Variants in PARN observed in about 807,000 individuals in gnomAD.
PARN encodes the protein poly(A)-specific ribonuclease PARN.
A neutral mutation model predicts 102.8 loss-of-function variants in PARN; 71 were observed. The observed-to-expected ratio is 0.69, with a 90% confidence interval of 0.57 to 0.84. The LOEUF (loss-of-function observed/expected upper bound fraction) is 0.84. Among genes scored for constraint, PARN ranks in the 40% least tolerant of loss-of-function variants. The pLI is 0.00. For missense variants in PARN, 782 were observed against 760.9 expected, an observed-to-expected ratio of 1.03 and a Z score of -0.33; for synonymous variants, 261 against 252.9, an observed-to-expected ratio of 1.03 and a Z score of -0.30.
intron 5 of PARN, among the ~76,000 whole-genome samples, chr16:14,625,824 C>A (rs528408286): frequency 6.6e-6 from 1 of 152,170 alleles, no homozygotes; most frequent in African/African-American, 2.4e-5. Flanking sequence ...GATGGCAAGA[C>A]TCAAATGAAT....
intron 21 of PARN, among the ~76,000 whole-genome samples, chr16:14,484,799 T>TA (rs1313286740): frequency 2.0e-5 from 3 of 151,954 alleles, no homozygotes; most frequent in Non-Finnish European, 4.4e-5. Flanking sequence ...TTTAGTCATC[T>TA]AAAAAACAGA....
chr16:14,629,527 G>A (rs1567473683), intron 2 of PARN, 70 bp downstream of exon 2: 1 of 1,141,880 alleles, frequency 8.8e-7, no homozygotes, highest in Non-Finnish European at 1.3e-6. Context: ...AGAAGTTGGG[G>A]GCTGGGGGAT....
rs148670150 is a variant in PARN, at chr16:14,458,857, C to T, written c.1671-11776G>A. On this transcript the variant is annotated intron_variant, in intron 22 of 23. Transcript: ENST00000437198. ...GAGAAAGCGATCTCCGCAGGCTCAG[C>T]GGCACCAGGTACAATGGTGAAGAGT... 4.3e-3 allele frequency among the ~76,000 whole-genome samples: 656 copies of T among 152,212 alleles called. 6 individuals carry two copies. Among genetic ancestry groups the T allele is most frequent in the Non-Finnish European group, 4.1e-3 (282 of 68,000 alleles).
chr16:14,555,426 C>T (rs1967622129), intron 19 of PARN, among the ~76,000 whole-genome samples: 1 of 152,022 alleles, frequency 6.6e-6, no homozygotes, highest in Non-Finnish European at 1.5e-5. Flanking sequence ...AGAGAAGATA[C>T]ATGCTTCTAA....
intron 10 of PARN, 122 bp from the exon 11 acceptor site, chr16:14,604,348 C>A (rs1056310172): frequency 1.4e-5 from 9 of 634,490 alleles, no homozygotes; most frequent in Non-Finnish European, 2.5e-5. Context: ...GCAAACTCCG[C>A]CTCCTGGGTT....
chr16:14,614,686 T>C (rs1290254111), intron 6 of PARN, among the ~76,000 whole-genome samples: 1 of 151,080 alleles, frequency 6.6e-6, no homozygotes, highest in Non-Finnish European at 1.5e-5. Context: ...CTGTCTCTAC[T>C]AAAAATACAA....
intron 18 of PARN, 59 bp from the exon 19 acceptor site, chr16:14,555,768 G>T: frequency 1.2e-6 from 1 of 849,592 alleles, no homozygotes; most frequent in Non-Finnish European, 1.7e-6. Context: ...CAGGCATTTT[G>T]CATTTTTAAG....
chr16:14,448,952 T>TGGAA (rs1454773605), intron 22 of PARN, among the ~76,000 whole-genome samples: 2 of 152,236 alleles, frequency 1.3e-5, no homozygotes, highest in African/African-American at 2.4e-5. Context: ...TGAAGTTTCC[T>TGGAA]GTTTAAAAAC....
chr16:14,580,696 T>C (rs997886823), intron 18 of PARN, among the ~76,000 whole-genome samples, 178 bp downstream of exon 18: 2 of 152,036 alleles, frequency 1.3e-5, no homozygotes, highest in East Asian at 3.9e-4. Flanking sequence ...ATATTTTTAA[T>C]ACATTTGTTC....
chr16:14,533,206 C>A (rs1365948202), intron 21 of PARN, among the ~76,000 whole-genome samples: 1 of 152,136 alleles, frequency 6.6e-6, no homozygotes, highest in Non-Finnish European at 1.5e-5. Context: ...GAGCTGGAGA[C>A]CAGCCCGGCC....
chr16:14,485,581 A>C (rs910412459), intron 21 of PARN, among the ~76,000 whole-genome samples: 6 of 152,082 alleles, frequency 3.9e-5, no homozygotes, highest in African/African-American at 1.4e-4. Context: ...ATGAGAACCC[A>C]TTGGTTCTAC....
At chr16:14,554,244 G>A (rs960923952) in intron 19 of PARN, 93 bp from the exon 20 acceptor site, 2 of 807,764 alleles carry the variant, frequency 2.5e-6, no homozygotes, top group Non-Finnish European at 4.0e-6. Context: ...AGCTAATTTG[G>A]AGAACTGTTA....
At chr16:14,598,951 G>GCATC (rs1446679994) in intron 12 of PARN, among the ~76,000 whole-genome samples, 1 of 151,630 alleles carries the variant, frequency 6.6e-6, no homozygotes, top group Non-Finnish European at 1.5e-5. Context: ...AGGCAATTCA[G>GCATC]CATCCAAGCA....
intron 21 of PARN, among the ~76,000 whole-genome samples, chr16:14,500,231 T>C (rs561572645): frequency 6.6e-6 from 1 of 151,996 alleles, no homozygotes; most frequent in Non-Finnish European, 1.5e-5. Context: ...AATTTAAAAA[T>C]TTTTTTTGTA....
At chr16:14,458,980 G>A (rs574838548) in intron 22 of PARN, among the ~76,000 whole-genome samples, 1 of 152,274 alleles carries the variant, frequency 6.6e-6, no homozygotes, top group South Asian at 2.1e-4. Flanking sequence ...TGTACCCAGA[G>A]CACAGCAGTT....
intron 23 of PARN, among the ~76,000 whole-genome samples, chr16:14,438,442 G>GGGC (rs1555475656): frequency 1.7e-5 from 1 of 57,308 alleles, no homozygotes; most frequent in Non-Finnish European, 4.1e-5. Flanking sequence ...GCCATTAGTT[G>GGGC]GGGGGGGGGG....
Position 14,618,597 on chromosome 16 carries a change from G to A in PARN, c.328-947C>T, listed in dbSNP as rs570652627. Among the ~76,000 whole-genome samples, 8 of 150,574 alleles carry A rather than the reference G, an allele frequency of 5.3e-5. No individual in the cohort carries two copies. In the East Asian group the frequency reaches 1.2e-3, roughly 22 times the overall value. ...AATTTCTTGAGTTTGGGAGGTGGAGGTTGCAGTGAGCCGAGAGAGCCACTG... is the reference window on the plus strand; with the variant it reads ...AATTTCTTGAGTTTGGGAGGTGGAGATTGCAGTGAGCCGAGAGAGCCACTG... On this transcript the variant is annotated intron_variant, in intron 5 of 23. Transcript: ENST00000437198.
At chr16:14,541,965 G>T (rs538640203) in intron 21 of PARN, among the ~76,000 whole-genome samples, 13 of 152,120 alleles carry the variant, frequency 8.5e-5, no homozygotes, top group Admixed American at 5.2e-4. Flanking sequence ...CCAACAACAG[G>T]TATCAACAAC....
intron 23 of PARN, among the ~76,000 whole-genome samples, chr16:14,437,320 G>A (rs1195831201): frequency 6.6e-6 from 1 of 152,200 alleles, no homozygotes; most frequent in East Asian, 1.9e-4. Context: ...CTGTGCTGTG[G>A]CTCTGCCTAG....
Sources: allele counts gnomAD v4.1 joint callset (sites outside exome capture counted in the v4.1 genomes callset), GRCh38; gene constraint gnomAD v4.1.1; transcripts MANE v1.5; gene names NCBI Gene and HGNC (gene_info 2026-07-23, HGNC 2026-07-21).